The following IRS1 variants were observed in gnomAD, a reference collection of about 807,000 sequenced individuals.
IRS1 encodes the protein insulin receptor substrate 1.
Under a neutral mutation model 65.6 loss-of-function variants are expected in IRS1, and 34 were observed. The observed-to-expected ratio is 0.52, with a 90% confidence interval of 0.39 to 0.69. The LOEUF (loss-of-function observed/expected upper bound fraction) is 0.69. IRS1 is among the 30% of genes least tolerant of loss of function. The pLI, the probability that IRS1 is intolerant of heterozygous loss-of-function variation, is 0.00. For synonymous variants in IRS1, 699 were observed against 683.5 expected (o/e 1.02, Z -0.35); for missense variants, 1,641 against 1,720.2 (o/e 0.95, Z 0.81).
At chr2:226,755,352 T>G (rs1189813201) in intron 1 of IRS1, among the ~76,000 whole-genome samples, 1 of 152,164 alleles carries the variant, frequency 6.6e-6, no homozygotes, top group East Asian at 1.9e-4. Flanking sequence ...GATCAAAACA[T>G]GCTGTACTTT....
intron 1 of IRS1, among the ~76,000 whole-genome samples, chr2:226,789,412 A>G (rs891327293): frequency 1.3e-5 from 2 of 152,236 alleles, no homozygotes; most frequent in Non-Finnish European, 2.9e-5. Flanking sequence ...AAGCACAAAA[A>G]ATCTGGACAA....
At position 226,795,221 on chromosome 2, in the gene IRS1, A is replaced by G; in HGVS notation, c.3518T>C (p.Leu1173Ser). Residue 1173 changes from leucine (L) to serine (S), a missense_variant, in exon 1 of 2, where the codon TTG becomes TCG. Leu to Ser is a moderately radical substitution (Grantham distance 145). Around this residue, in one of 3 missense-constraint regions of IRS1, gnomAD observed 1,324 missense variants for 1,361.0 expected, o/e 0.97. Coordinates refer to ENST00000305123, the MANE Select transcript of IRS1 (RefSeq NM_005544.3). ...PAKLCGAAGG[L>S]ENGLNYIDLD... is the part of the protein sequence containing the mutation. Reference sequence around the variant, plus strand: ...GTCTATGTAGTTAAGACCATTCTCCAAACCCCCAGCAGCCCCACACAGTTT... The same window carrying G: ...GTCTATGTAGTTAAGACCATTCTCCGAACCCCCAGCAGCCCCACACAGTTT... The G allele has an allele frequency of 2.7e-5, 43 of 1,614,022 alleles. No homozygotes were observed. Among genetic ancestry groups the G allele is most frequent in the Non-Finnish European group, 3.6e-5 (42 of 1,179,996 alleles).
intron 1 of IRS1, among the ~76,000 whole-genome samples, chr2:226,766,662 T>A (rs1939054677): frequency 6.6e-6 from 1 of 152,144 alleles, no homozygotes; most frequent in South Asian, 2.1e-4. Flanking sequence ...CCACACTGAA[T>A]AAAACTGGAT....
rs1242850490 is a variant in IRS1 at position 226,797,976 on chromosome 2, C to A, written c.763G>T (p.Glu255Ter). 6.2e-7 allele frequency: 1 copy of A among 1,614,102 alleles called. No homozygotes were observed. ...TCATCACTCATGGCCCGCATGGCCT[C>A]CAGGATGGTCTCGTGCATGTTCTGG... ...VAQNMHETIL[E>*]AMRAMSDEFR... Residue 255 changes from glutamate to a stop codon, truncating the protein, a stop_gained, in exon 1 of 2, where the codon GAG (glutamate) becomes TAG (stop). Transcript: ENST00000305123. LOFTEE classifies it high-confidence loss of function. The surrounding 1 kb of genome is among the most constrained non-coding windows in gnomAD (Gnocchi z 8.1).
chr2:226,774,030 T>C (rs1428539118), intron 1 of IRS1, among the ~76,000 whole-genome samples: 1 of 152,110 alleles, frequency 6.6e-6, no homozygotes, highest in Non-Finnish European at 1.5e-5. Context: ...TTCCCTGTAG[T>C]CCAACAGAGA....
At chr2:226,738,728 T>C (rs1318425464) in intron 1 of IRS1, among the ~76,000 whole-genome samples, 4 of 152,210 alleles carry the variant, frequency 2.6e-5, no homozygotes, top group South Asian at 2.1e-4. Context: ...TGAATGCATA[T>C]AGGAATGTTC....
chr2:226,770,724 T>C (rs1231968737), intron 1 of IRS1, among the ~76,000 whole-genome samples: 2 of 152,204 alleles, frequency 1.3e-5, no homozygotes, highest in African/African-American at 4.8e-5. Context: ...AACATTAACC[T>C]GGAGATAGAA....
chr2:226,766,131 A>C (rs1326788186), intron 1 of IRS1, among the ~76,000 whole-genome samples: 7 of 3,322 alleles, frequency 2.1e-3, no homozygotes, highest in African/African-American at 6.2e-3. Context: ...TTATATATAT[A>C]TATATATATA....
intron 1 of IRS1, among the ~76,000 whole-genome samples, chr2:226,792,617 T>C (rs527246000): frequency 6.6e-6 from 1 of 152,228 alleles, no homozygotes; most frequent in African/African-American, 2.4e-5. Context: ...TAACAGACAA[T>C]GAAAAATTTT....
At position 226,776,843 on chromosome 2, in the gene IRS1, CT is replaced by C. The variant is rs1332754457; in HGVS notation, c.*21+18145del. On this transcript the variant is annotated intron_variant, in intron 1 of 1. Coordinates refer to ENST00000305123, the MANE Select transcript of IRS1 (RefSeq NM_005544.3). The stretch of plus-strand genomic sequence containing the variant: ...ATCGCTGGAATCCAGGAGGCAGAGG[CT>C]GCAGTGAGCCAAGATCACATCACTG... Among the ~76,000 whole-genome samples, 7 of 152,260 alleles carry C rather than the reference CT, an allele frequency of 4.6e-5. No individual in the cohort carries two copies. In the East Asian group the frequency reaches 1.4e-3, roughly 29 times the overall value.
intron 1 of IRS1, among the ~76,000 whole-genome samples, chr2:226,766,134 TATA>T (rs1939029745): frequency 2.8e-4 from 1 of 3,626 alleles, no homozygotes; most frequent in Non-Finnish European, 7.9e-4. Context: ...TATATATATA[TATA>T]TATATATATA....
chr2:226,766,121 T>TTATATATATA (rs1171119286), intron 1 of IRS1, among the ~76,000 whole-genome samples: 11 of 14,206 alleles, frequency 7.7e-4, no homozygotes, highest in East Asian at 1.9e-3. Context: ...TCTCTTAATC[T>TTATATATATA]TATATATATA....
intron 1 of IRS1, among the ~76,000 whole-genome samples, chr2:226,780,913 CT>C (rs1396496934): frequency 1.3e-5 from 2 of 152,208 alleles, no homozygotes; most frequent in Non-Finnish European, 2.9e-5. Flanking sequence ...ATCCAAGACT[CT>C]TCCCTGAACT....
intron 1 of IRS1, among the ~76,000 whole-genome samples, chr2:226,739,266 C>T (rs1429483697): frequency 6.6e-6 from 1 of 152,186 alleles, no homozygotes; most frequent in Non-Finnish European, 1.5e-5. Context: ...ACCTGTTTGT[C>T]TTTGTACAGG....
intron 1 of IRS1, among the ~76,000 whole-genome samples, chr2:226,770,725 G>C (rs574353251): frequency 6.6e-6 from 1 of 152,262 alleles, no homozygotes; most frequent in Admixed American, 6.5e-5. Flanking sequence ...ACATTAACCT[G>C]GAGATAGAAT....
At chr2:226,776,058 G>A (rs1939266627) in intron 1 of IRS1, among the ~76,000 whole-genome samples, 1 of 152,046 alleles carries the variant, frequency 6.6e-6, no homozygotes, top group African/African-American at 2.4e-5. Flanking sequence ...AGAAACTGAT[G>A]ATTTTAGAAC....
chr2:226,767,770 C>T (rs1044113808), intron 1 of IRS1, among the ~76,000 whole-genome samples: 3 of 152,150 alleles, frequency 2.0e-5, no homozygotes, highest in African/African-American at 7.2e-5. Context: ...GTATGAAAAT[C>T]TAGGGTAGAG....
At chr2:226,779,344 T>A (rs978076470) in intron 1 of IRS1, among the ~76,000 whole-genome samples, 1 of 152,254 alleles carries the variant, frequency 6.6e-6, no homozygotes, top group African/African-American at 2.4e-5. Flanking sequence ...AATGAGGTGT[T>A]GGTATATTTC....
At chr2:226,763,224 A>G (rs1429403082) in intron 1 of IRS1, among the ~76,000 whole-genome samples, 1 of 152,178 alleles carries the variant, frequency 6.6e-6, no homozygotes, top group Non-Finnish European at 1.5e-5. Context: ...TGAATTCACC[A>G]TTCCCTAAAC....
Sources: gnomAD v4.1 joint callset for allele counts (sites outside exome capture counted in the v4.1 genomes callset) on GRCh38, gnomAD v4.1.1 for gene constraint, gnomAD v4.1.1 regional missense constraint, Gnocchi (gnomAD v3.1) non-coding constraint, MANE v1.5 for transcripts, NCBI Gene and HGNC (gene_info 2026-07-23, HGNC 2026-07-21) for gene names.